MMS22L: variants seen among roughly 807,000 people sequenced by gnomAD.
MMS22L encodes the protein protein MMS22-like.
MMS22L carries 74 observed loss-of-function variants against 159.1 expected under a neutral mutation model. The ratio of observed to expected loss-of-function variants is 0.47; its 90% confidence interval spans 0.39 to 0.56. The LOEUF is 0.56. Among genes scored for constraint, MMS22L ranks in the 20% least tolerant of loss-of-function variants. The pLI is 0.00. For synonymous variants in MMS22L, 517 were observed against 506.9 expected (o/e 1.02, Z -0.27); for missense variants, 1,351 against 1,422.1 (o/e 0.95, Z 0.80).
chr6:97,151,262 A>ATTT (rs1801290220), intron 23 of MMS22L, among the ~76,000 whole-genome samples: 3 of 152,140 alleles, frequency 2.0e-5, no homozygotes, highest in African/African-American at 4.8e-5. Context: ...TTTTTACTGT[A>ATTT]CCTTTTCTAT....
chr6:97,180,579 A>G (rs1448567247), intron 16 of MMS22L, among the ~76,000 whole-genome samples: 1 of 152,250 alleles, frequency 6.6e-6, no homozygotes, highest in Non-Finnish European at 1.5e-5. Context: ...ACAATGAAGA[A>G]GAACACAGAC....
chr6:97,254,412 GT>G (rs1232414704), intron 10 of MMS22L, 144 bp downstream of exon 10: 20 of 643,138 alleles, frequency 3.1e-5, no homozygotes, highest in Admixed American at 1.4e-4. Flanking sequence ...TTTTCAAGAT[GT>G]TTACAGAAAC....
chr6:97,223,695 C>A (rs931569564), intron 14 of MMS22L, among the ~76,000 whole-genome samples: 1 of 152,076 alleles, frequency 6.6e-6, no homozygotes, highest in Non-Finnish European at 1.5e-5. Flanking sequence ...GGTAAACAAT[C>A]CTGAATGATC....
At chr6:97,282,969 G>T (rs1232508275) in intron 1 of MMS22L, 127 bp downstream of exon 1, 1 of 152,434 alleles carries the variant, frequency 6.6e-6, no homozygotes, top group East Asian at 1.9e-4. Context: ...GACCCTCCAA[G>T]GAGGAGGCGA....
chr6:97,178,612 T>TA, intron 17 of MMS22L, 27 bp from the exon 18 acceptor site: 1 of 1,231,900 alleles, frequency 8.1e-7, no homozygotes, highest in African/African-American at 1.5e-5. Flanking sequence ...GTATTTGTTA[T>TA]ATCAATTTAT....
chr6:97,262,415 C>G (rs1163952976), intron 9 of MMS22L, among the ~76,000 whole-genome samples: 1 of 151,984 alleles, frequency 6.6e-6, no homozygotes, highest in Non-Finnish European at 1.5e-5. Context: ...GAGGCCAAGG[C>G]AGGCAGATCA....
At position 97,143,300 on chromosome 6, in the gene MMS22L, T is replaced by C. The variant is rs1269146972; in HGVS notation, c.*3506A>G. ...TACAGTTTCCATGCTGTAAACTGAA[T>C]GAGGCTGAGTGTAGGATGAACATGG... On this transcript the variant is annotated 3_prime_UTR_variant, in exon 25 of 25. Transcript: ENST00000683635. The C allele has an allele frequency of 6.6e-6, 1 of 152,206 alleles. No homozygotes were observed. The highest frequency in any genetic ancestry group is 1.5e-5 in the Non-Finnish European group (1 of 68,034). 9.4% of individuals were successfully genotyped at this position (152,206 alleles called of 1,614,324 possible).
chr6:97,177,461 A>T (rs1199468102), intron 18 of MMS22L, among the ~76,000 whole-genome samples: 2 of 152,174 alleles, frequency 1.3e-5, no homozygotes, highest in East Asian at 3.8e-4. Flanking sequence ...ATTATCTAGC[A>T]TTCAGCAAAA....
intron 14 of MMS22L, among the ~76,000 whole-genome samples, chr6:97,198,322 T>C (rs1806766456): frequency 6.6e-6 from 1 of 152,138 alleles, no homozygotes. Flanking sequence ...GCTGTTCTAG[T>C]CTCGGCCTTT....
chr6:97,257,453 T>C (rs1189525706), intron 9 of MMS22L, among the ~76,000 whole-genome samples: 11 of 152,080 alleles, frequency 7.2e-5, no homozygotes, highest in Non-Finnish European at 1.5e-4. Context: ...CATTACACAT[T>C]TTATTCTTTT....
intron 9 of MMS22L, among the ~76,000 whole-genome samples, chr6:97,262,910 C>T (rs555048643): frequency 6.6e-6 from 1 of 152,236 alleles, no homozygotes; most frequent in East Asian, 1.9e-4. Flanking sequence ...TTCTCATCTT[C>T]CCTTTTCTGC....
At chr6:97,247,603 A>G (rs1391668875) in intron 10 of MMS22L, among the ~76,000 whole-genome samples, 1 of 152,144 alleles carries the variant, frequency 6.6e-6, no homozygotes, top group Non-Finnish European at 1.5e-5. Flanking sequence ...CCTGTATCCC[A>G]GCTACCCGGG....
intron 11 of MMS22L, among the ~76,000 whole-genome samples, chr6:97,234,263 G>C (rs891739065): frequency 6.6e-6 from 1 of 152,016 alleles, no homozygotes; most frequent in Non-Finnish European, 1.5e-5. Context: ...GAATGGTACT[G>C]GAAACCCAGA....
chr6:97,232,248 G>A (rs1810953169), intron 12 of MMS22L, among the ~76,000 whole-genome samples: 1 of 151,996 alleles, frequency 6.6e-6, no homozygotes, highest in South Asian at 2.1e-4. Context: ...TATCAGCCTG[G>A]TCCACCCATT....
chr6:97,180,105 T>C (rs1279698343), intron 16 of MMS22L, among the ~76,000 whole-genome samples: 1 of 152,180 alleles, frequency 6.6e-6, no homozygotes, highest in Non-Finnish European at 1.5e-5. Flanking sequence ...GGTTTTTTTT[T>C]TCTCTTTTTT....
intron 22 of MMS22L, among the ~76,000 whole-genome samples, chr6:97,157,536 T>C (rs771011596): frequency 1.2e-4 from 19 of 152,204 alleles, no homozygotes; most frequent in Non-Finnish European, 2.5e-4. Flanking sequence ...GAAGTACTGT[T>C]GAATTTTGTT....
At chr6:97,193,282 T>G (rs1472405647) in intron 14 of MMS22L, among the ~76,000 whole-genome samples, 1 of 152,114 alleles carries the variant, frequency 6.6e-6, no homozygotes, top group Non-Finnish European at 1.5e-5. Context: ...AAATCAGGAA[T>G]CCAGTGATGA....
chr6:97,279,944 T>C (rs1397286465), intron 3 of MMS22L, among the ~76,000 whole-genome samples: 1 of 152,208 alleles, frequency 6.6e-6, no homozygotes, highest in Non-Finnish European at 1.5e-5. Flanking sequence ...TCATGTTCCA[T>C]CTTAATTCCT....
chr6:97,229,473 ATT>A, intron 13 of MMS22L, 70 bp from the exon 14 acceptor site: 2 of 1,078,602 alleles, frequency 1.9e-6, no homozygotes, highest in Non-Finnish European at 2.6e-6. Flanking sequence ...TTAAAAGAAA[ATT>A]TGTTTCAATA....
Sources: allele counts gnomAD v4.1 joint callset (sites outside exome capture counted in the v4.1 genomes callset), GRCh38; gene constraint gnomAD v4.1.1; transcripts MANE v1.5; gene names NCBI Gene and HGNC (gene_info 2026-07-23, HGNC 2026-07-21).